ZNRF3: variants seen among roughly 807,000 people sequenced by gnomAD.
ZNRF3 encodes zinc and ring finger 3.
In ZNRF3, 23 loss-of-function variants were observed where a neutral mutation model predicts 72.5. The observed-to-expected ratio is 0.32, with a 90% CI of 0.23 to 0.45. The LOEUF is 0.45. ZNRF3 is among the 20% of genes least tolerant of loss of function. The probability of loss-of-function intolerance (pLI) is 1.00; values close to 1 mark genes in which losing one functional copy is unlikely to be tolerated. For synonymous variants in ZNRF3, 610 were observed against 545.3 expected, an observed-to-expected ratio of 1.12 and a Z score of -1.65; for missense variants, 1,169 against 1,272.1, an observed-to-expected ratio of 0.92 and a Z score of 1.23.
At chr22:28,925,202 A>G (rs1288623586) in intron 1 of ZNRF3, among the ~76,000 whole-genome samples, 2 of 152,154 alleles carry the variant, frequency 1.3e-5, no homozygotes, top group Non-Finnish European at 2.9e-5. Context: ...CCTTCCCAAG[A>G]TCTTCCCTAC....
intron 1 of ZNRF3, among the ~76,000 whole-genome samples, chr22:28,968,565 C>T (rs1295903478): frequency 3.3e-5 from 5 of 151,916 alleles, no homozygotes; most frequent in East Asian, 1.9e-4. Flanking sequence ...CAAAATTAGC[C>T]GGGCATGGTG....
intron 2 of ZNRF3, among the ~76,000 whole-genome samples, chr22:29,017,505 T>C (rs576865237): frequency 6.6e-6 from 1 of 152,232 alleles, no homozygotes; most frequent in East Asian, 1.9e-4. Context: ...GCAAATCAAG[T>C]GTGAACGCAG....
chr22:28,963,175 A>G (rs2035395547), intron 1 of ZNRF3, among the ~76,000 whole-genome samples: 1 of 152,326 alleles, frequency 6.6e-6, no homozygotes, highest in South Asian at 2.1e-4. Context: ...TAAGGTCCTC[A>G]AGACCATGTA....
intron 1 of ZNRF3, among the ~76,000 whole-genome samples, chr22:28,954,523 C>G (rs567125071): frequency 6.6e-6 from 1 of 152,178 alleles, no homozygotes; most frequent in Non-Finnish European, 1.5e-5. Flanking sequence ...ATTCAGTCCA[C>G]AGCAGTCATT....
intron 1 of ZNRF3, among the ~76,000 whole-genome samples, chr22:28,984,921 G>A (rs2035827956): frequency 6.6e-6 from 1 of 152,206 alleles, no homozygotes; most frequent in Admixed American, 6.5e-5. Context: ...TTTGTGCAAA[G>A]TTAGATCCCA....
chr22:28,954,069 G>A lies in ZNRF3; in HGVS notation c.301-33007G>A, dbSNP rs192177566. Among the ~76,000 whole-genome samples the A allele has an allele frequency of 3.0e-4, 46 of 152,302 alleles. No homozygotes were observed. The East Asian group carries it at 3.7e-3, about 12-fold the overall frequency. On this transcript the variant is annotated intron_variant, in intron 1 of 8. Transcript: ENST00000544604. ...CAGGGCCTGGCACACGGCTCACTCT[G>A]TGTGTGTTTTTTTTCATGACTTCTT...
intron 2 of ZNRF3, among the ~76,000 whole-genome samples, chr22:29,013,978 T>C (rs17440734): frequency 0.53 from 80,428 of 152,070 alleles, 21,473 homozygotes; most frequent in African/African-American, 0.57. Flanking sequence ...CCCAGGATGG[T>C]CTTGCATTGC....
At chr22:28,986,544 A>G (rs1601631460) in intron 1 of ZNRF3, 1 of 892,044 alleles carries the variant, frequency 1.1e-6, no homozygotes, top group Non-Finnish European at 1.3e-6. Flanking sequence ...TCTGTTTCCC[A>G]GTAACCAGGG....
chr22:29,009,905 CTTTT>C (rs57028204), intron 2 of ZNRF3, among the ~76,000 whole-genome samples: 3 of 123,564 alleles, frequency 2.4e-5, no homozygotes, highest in Non-Finnish European at 1.6e-5. Context: ...ACTTTTTCCT[CTTTT>C]TTTTTTTTTT....
intron 1 of ZNRF3, among the ~76,000 whole-genome samples, chr22:28,975,066 T>C (rs758657057): frequency 7.9e-5 from 12 of 152,248 alleles, no homozygotes; most frequent in Non-Finnish European, 1.6e-4. Context: ...GGGAACTTTT[T>C]TTTTCTTTCT....
intron 1 of ZNRF3, among the ~76,000 whole-genome samples, chr22:28,957,347 A>T (rs999343827): frequency 1.3e-5 from 2 of 152,202 alleles, no homozygotes; most frequent in Non-Finnish European, 2.9e-5. Context: ...GTCACAATGC[A>T]TGTATGTTAC....
Position 29,049,413 on chromosome 22 carries a change from A to G in ZNRF3, c.1232A>G (p.Gln411Arg). ...RHGEQSLYSP[Q>R]TPAYIRSYPP... ...GGGGAGCAGAGCCTCTATTCCCCGC[A>G]GACCCCCGCCTACATCCGCAGCTAC... Residue 411 changes from glutamine to arginine, a missense_variant, in exon 8 of 9, where the codon CAG becomes CGG. Gln to Arg is a conservative substitution (Grantham distance 43). Coordinates refer to ENST00000544604, the MANE Select transcript of ZNRF3 (RefSeq NM_001206998.2). The surrounding 1 kb of genome is among the most constrained non-coding windows in gnomAD (Gnocchi z 5.2). 6.2e-7 allele frequency: 1 copy of G among 1,608,604 alleles called. No individual in the cohort carries two copies. Among genetic ancestry groups the G allele is most frequent in the Non-Finnish European group, 8.5e-7 (1 of 1,179,420 alleles).
At chr22:28,990,405 C>G (rs1356129874) in intron 2 of ZNRF3, among the ~76,000 whole-genome samples, 8 of 152,148 alleles carry the variant, frequency 5.3e-5, no homozygotes, top group Admixed American at 2.0e-4. Flanking sequence ...AGGGTCTTGG[C>G]CAGGCACGGT....
At chr22:28,979,984 C>A (rs912506760) in intron 1 of ZNRF3, among the ~76,000 whole-genome samples, 2 of 152,204 alleles carry the variant, frequency 1.3e-5, no homozygotes, top group African/African-American at 4.8e-5. Context: ...GCATAAAATG[C>A]AAATGGACAT....
At chr22:28,973,508 G>T (rs2035612540) in intron 1 of ZNRF3, among the ~76,000 whole-genome samples, 1 of 152,128 alleles carries the variant, frequency 6.6e-6, no homozygotes, top group Admixed American at 6.5e-5. Context: ...ACTCTTCTAA[G>T]GTCACACAGA....
At chr22:29,035,254 T>C (rs1471273505) in intron 2 of ZNRF3, among the ~76,000 whole-genome samples, 1 of 152,206 alleles carries the variant, frequency 6.6e-6, no homozygotes, top group Non-Finnish European at 1.5e-5. Context: ...GAGGCCTTTA[T>C]GTATAGGACA....
At chr22:28,992,147 T>C in intron 2 of ZNRF3, among the ~76,000 whole-genome samples, 1 of 151,454 alleles carries the variant, frequency 6.6e-6, no homozygotes, top group African/African-American at 2.4e-5. Context: ...AGTGAGACCC[T>C]ATCTCTCTCC....
At chr22:28,924,812 G>T (rs774088617) in intron 1 of ZNRF3, among the ~76,000 whole-genome samples, 1 of 152,178 alleles carries the variant, frequency 6.6e-6, no homozygotes, top group South Asian at 2.1e-4. Flanking sequence ...CTTGGGTCTA[G>T]AAAGGAAGCT....
chr22:28,995,562 C>A (rs2036032857), intron 2 of ZNRF3, among the ~76,000 whole-genome samples: 1 of 152,154 alleles, frequency 6.6e-6, no homozygotes, highest in Admixed American at 6.5e-5. Flanking sequence ...AGGAAGGGGG[C>A]AGTCACCTTA....
Sources: gnomAD v4.1 joint callset for allele counts (sites outside exome capture counted in the v4.1 genomes callset) on GRCh38, gnomAD v4.1.1 for gene constraint, Gnocchi (gnomAD v3.1) non-coding constraint, MANE v1.5 for transcripts, NCBI Gene and HGNC (gene_info 2026-07-23, HGNC 2026-07-21) for gene names.